The following CHD1L variants were observed in gnomAD, a reference collection of about 807,000 sequenced individuals.
The protein encoded by CHD1L is ATP-dependent chromatin remodeler CHD1L.
CHD1L carries 118 observed loss-of-function variants against 115.9 expected under a neutral mutation model. The ratio of observed to expected loss-of-function variants is 1.02; its 90% confidence interval spans 0.88 to 1.19. The LOEUF is 1.19. CHD1L is among the 50% of genes most tolerant of loss of function. The pLI is 0.00. For synonymous variants in CHD1L, 411 were observed against 387.1 expected (o/e 1.06, Z -0.72); for missense variants, 1,179 against 1,065.3 (o/e 1.11, Z -1.49).
chr1:147,193,086 A>C, the CHD1L span, among the ~76,000 whole-genome samples: 1 of 152,180 alleles, frequency 6.6e-6, no homozygotes, highest in Non-Finnish European at 1.5e-5. Flanking sequence ...AAGGAATGGT[A>C]CCAGCTCCTC....
chr1:147,242,766 T>C lies in CHD1L; in HGVS notation c.63T>C (p.His21=). ...GQAPGFLLRL[H]TEGRAEAARV... ...CCCCTGGCTTCTTACTGCGGCTTCA[T>C]ACTGAGGGCCGAGCCGAGGCGGCGC... Residue 21 remains histidine (H), a synonymous_variant, in exon 1 of 23, where the codon CAT becomes CAC. Coordinates refer to ENST00000369258, the MANE Select transcript of CHD1L (RefSeq NM_004284.6). 1.6e-6 allele frequency: 2 copies of C among 1,269,258 alleles called. No homozygotes were observed. Among genetic ancestry groups the C allele is most frequent in the Non-Finnish European group, 2.0e-6 (2 of 1,000,324 alleles). 78.6% of individuals were successfully genotyped at this position (1,269,258 alleles called of 1,614,324 possible).
intron 15 of CHD1L, 28 bp from the exon 16 acceptor site, chr1:147,284,323 T>A: frequency 6.6e-7 from 1 of 1,516,578 alleles, no homozygotes; most frequent in South Asian, 1.3e-5. Flanking sequence ...GTATCTAACA[T>A]TTCTCTCTTT....
upstream of CHD1L, among the ~76,000 whole-genome samples, chr1:147,239,600 A>G (rs587716943): frequency 6.6e-6 from 1 of 152,090 alleles, no homozygotes; most frequent in Non-Finnish European, 1.5e-5. Context: ...CCTTCCTTCC[A>G]TCCTGATCAT....
At chr1:147,178,330 A>T in the CHD1L span, 1 of 1,612,616 alleles carries the variant, frequency 6.2e-7, no homozygotes, top group Non-Finnish European at 8.5e-7. Context: ...TGCAGCTACC[A>T]GATTAAAAGG....
the CHD1L span, chr1:147,215,536 G>A: frequency 2.0e-6 from 1 of 489,434 alleles, no homozygotes; most frequent in Non-Finnish European, 3.6e-6. Context: ...CTGCCAGCTG[G>A]CTTCCTGTAT....
chr1:147,271,100 C>A, intron 11 of CHD1L, 95 bp downstream of exon 11: 1 of 1,062,794 alleles, frequency 9.4e-7, no homozygotes, highest in Non-Finnish European at 1.4e-6. Context: ...GAGAATATTA[C>A]AAAGGAAAGC....
intron 13 of CHD1L, among the ~76,000 whole-genome samples, 160 bp downstream of exon 13, chr1:147,275,628 G>GGTCAC (rs1327465053): frequency 6.6e-6 from 1 of 151,892 alleles, no homozygotes; most frequent in Non-Finnish European, 1.5e-5. Context: ...GTATTGGGTG[G>GGTCAC]GTCACATTAT....
At chr1:147,201,398 T>A in the CHD1L span, 2 of 1,614,194 alleles carry the variant, frequency 1.2e-6, no homozygotes, top group South Asian at 2.2e-5. Context: ...TCCTCAAATA[T>A]GGCAGCTGTC....
At chr1:147,267,595 A>G (rs1674448334) in intron 9 of CHD1L, 77 bp downstream of exon 9, 1 of 1,045,246 alleles carries the variant, frequency 9.6e-7, no homozygotes, top group South Asian at 1.5e-5. Flanking sequence ...ATTCTTCAAA[A>G]TAATTGCATA....
chr1:147,285,180 C>A, intron 16 of CHD1L, 144 bp from the exon 17 acceptor site: 1 of 920,088 alleles, frequency 1.1e-6, no homozygotes, highest in Non-Finnish European at 1.6e-6. Context: ...TGCTTTGCCT[C>A]CAGTTCCCAC....
chr1:147,282,053 G>T (rs1161957841), intron 15 of CHD1L, among the ~76,000 whole-genome samples: 1 of 152,118 alleles, frequency 6.6e-6, no homozygotes, highest in Non-Finnish European at 1.5e-5. Context: ...ATTCGTTTGG[G>T]GATCTCTTGT....
the CHD1L span, among the ~76,000 whole-genome samples, chr1:147,232,694 T>A: frequency 4.0e-5 from 6 of 151,882 alleles, no homozygotes; most frequent in African/African-American, 1.2e-4. Context: ...GGAGATGGGG[T>A]TTCGCTGTGT....
intron 22 of CHD1L, 62 bp from the exon 23 acceptor site, chr1:147,295,369 A>G: frequency 9.7e-7 from 1 of 1,035,026 alleles, no homozygotes; most frequent in South Asian, 1.3e-5. Context: ...CTAGAGAACT[A>G]GTCGTTTTGG....
the CHD1L span, among the ~76,000 whole-genome samples, chr1:147,194,870 G>A: frequency 2.6e-5 from 4 of 152,096 alleles, no homozygotes; most frequent in African/African-American, 9.7e-5. Flanking sequence ...TTACTGCCGA[G>A]AGATCTGCTG....
At chr1:147,228,115 C>T in the CHD1L span, among the ~76,000 whole-genome samples, 1 of 151,888 alleles carries the variant, frequency 6.6e-6, no homozygotes, top group East Asian at 1.9e-4. Context: ...CCCATTAACT[C>T]ATCATTTAAT....
At chr1:147,224,827 A>G in the CHD1L span, 3 of 1,513,070 alleles carry the variant, frequency 2.0e-6, no homozygotes, top group East Asian at 6.8e-5. Context: ...CACTGTTAAG[A>G]TAAACTGTCG....
the CHD1L span, among the ~76,000 whole-genome samples, chr1:147,235,529 T>C: frequency 6.6e-6 from 1 of 152,150 alleles, no homozygotes; most frequent in African/African-American, 2.4e-5. Context: ...TTTGAGCAAT[T>C]TGAGGGGATA....
At chr1:147,177,740 CA>C in the CHD1L span, among the ~76,000 whole-genome samples, 2 of 152,186 alleles carry the variant, frequency 1.3e-5, no homozygotes, top group East Asian at 1.9e-4. Context: ...TCAAGGCCAC[CA>C]AAAACAAGGA....
chr1:147,178,525 C>T, the CHD1L span: 1 of 1,611,444 alleles, frequency 6.2e-7, no homozygotes, highest in Non-Finnish European at 8.5e-7. Context: ...AGCTTCAGTG[C>T]CTCTCAGGAC....
Sources: gnomAD v4.1 joint callset for allele counts (sites outside exome capture counted in the v4.1 genomes callset) on GRCh38, gnomAD v4.1.1 for gene constraint, MANE v1.5 for transcripts, NCBI Gene and HGNC (gene_info 2026-07-23, HGNC 2026-07-21) for gene names.